Variants in DIAPH3 observed in about 807,000 individuals in gnomAD.
DIAPH3 encodes diaphanous related formin 3.
In DIAPH3, 117 loss-of-function variants were observed where a neutral mutation model predicts 144.3. That is an observed-to-expected ratio of 0.81 (90% CI 0.70 to 0.95). The LOEUF is 0.95. Among genes scored for constraint, DIAPH3 ranks in the 40% least tolerant of loss-of-function variants. The pLI, the probability that DIAPH3 is intolerant of heterozygous loss-of-function variation, is 0.00. For missense variants in DIAPH3, 1,421 were observed against 1,412.7 expected, an observed-to-expected ratio of 1.01 and a Z score of -0.09; for synonymous variants, 519 against 488.9, an observed-to-expected ratio of 1.06 and a Z score of -0.81.
intron 13 of DIAPH3, 49 bp from the exon 14 acceptor site, chr13:59,980,908 A>C: frequency 1.4e-6 from 2 of 1,459,738 alleles, no homozygotes; most frequent in Non-Finnish European, 1.9e-6. Context: ...TCTTAAACTC[A>C]TTATGACTTC....
intron 7 of DIAPH3, among the ~76,000 whole-genome samples, chr13:60,011,715 C>T (rs866166543): frequency 1.3e-5 from 2 of 152,156 alleles, no homozygotes; most frequent in South Asian, 2.1e-4. Flanking sequence ...TAAGCAAAAA[C>T]TGAAGGATGA....
At chr13:59,996,395 T>C (rs1413930814) in intron 9 of DIAPH3, among the ~76,000 whole-genome samples, 1 of 152,096 alleles carries the variant, frequency 6.6e-6, no homozygotes, top group Admixed American at 6.6e-5. Flanking sequence ...GGAAAGCCAA[T>C]ACTGTAAGCT....
chr13:59,749,098 C>T (rs1241024694), intron 27 of DIAPH3, among the ~76,000 whole-genome samples: 1 of 150,104 alleles, frequency 6.7e-6, no homozygotes, highest in Non-Finnish European at 1.5e-5. Flanking sequence ...CCTATAGTCC[C>T]AGCTACTTGG....
chr13:59,757,977 A>C (rs568955186), intron 27 of DIAPH3, among the ~76,000 whole-genome samples: 63 of 152,328 alleles, frequency 4.1e-4, no homozygotes, highest in African/African-American at 1.5e-3. Flanking sequence ...GACTTGAATA[A>C]GCACTTCACA....
chr13:59,879,234 A>G lies in DIAPH3; in HGVS notation c.2602T>C (p.Cys868Arg), dbSNP rs779927488. Residue 868 changes from cysteine (C) to arginine (R), a missense_variant, in exon 21 of 28, where the codon TGT becomes CGT. By Grantham distance (180) the Cys-to-Arg change is radical (BLOSUM62 -3). Coordinates refer to ENST00000400324, the MANE Select transcript of DIAPH3 (RefSeq NM_001042517.2). Reference protein sequence around the residue: ...QTFGFNLSSLCKLKDTKSADQ... With the variant: ...QTFGFNLSSLRKLKDTKSADQ... ...TTTTAAAAAAACAAACTCACTTTAC[A>G]GAGAGAGCTAAGGTTAAATCCGAAG... The G allele has an allele frequency of 1.9e-6, 3 of 1,613,642 alleles. No homozygotes were observed.
intron 27 of DIAPH3, among the ~76,000 whole-genome samples, chr13:59,737,756 C>A (rs931311631): frequency 1.3e-5 from 2 of 152,188 alleles, no homozygotes; most frequent in Non-Finnish European, 2.9e-5. Context: ...TTAACCTATA[C>A]AACAAAACAC....
chr13:60,046,571 T>C (rs188879444), intron 4 of DIAPH3, among the ~76,000 whole-genome samples: 1 of 152,312 alleles, frequency 6.6e-6, no homozygotes, highest in East Asian at 1.9e-4. Flanking sequence ...TGGTGATTCC[T>C]CAGGGATCTA....
chr13:59,783,745 G>C (rs1197281123), intron 25 of DIAPH3, among the ~76,000 whole-genome samples: 1 of 152,172 alleles, frequency 6.6e-6, no homozygotes, highest in Non-Finnish European at 1.5e-5. Context: ...ACAAAATATT[G>C]AGAGGATTAA....
At chr13:59,922,023 T>C (rs1410949158) in intron 18 of DIAPH3, among the ~76,000 whole-genome samples, 1 of 152,080 alleles carries the variant, frequency 6.6e-6, no homozygotes, top group African/African-American at 2.4e-5. Context: ...TAAAGAATTT[T>C]AACAAATTAG....
chr13:59,915,807 T>C (rs2140257771), intron 19 of DIAPH3, among the ~76,000 whole-genome samples: 1 of 152,150 alleles, frequency 6.6e-6, no homozygotes, highest in Non-Finnish European at 1.5e-5. Context: ...AATATCTTCA[T>C]AAGCCAAAGA....
rs117928356 is a variant in DIAPH3 at position 59,766,902 on chromosome 13, G to A, written c.3319+7287C>T. Among the ~76,000 whole-genome samples the A allele has an allele frequency of 7.0e-3, 1,063 of 152,150 alleles. 30 individuals carry two copies. The East Asian group carries it at 0.075, about 11-fold the overall frequency. The stretch of plus-strand genomic sequence containing the variant: ...TTTCTCAAGGTAAGCAGTGATACCC[G>A]AGTCCTTCAGTCCAATCTGTGCTCG... On this transcript the variant is annotated intron_variant, in intron 27 of 27. Coordinates refer to ENST00000400324, the MANE Select transcript of DIAPH3 (RefSeq NM_001042517.2).
chr13:60,154,108 T>C (rs1423239601), intron 1 of DIAPH3, among the ~76,000 whole-genome samples: 1 of 152,018 alleles, frequency 6.6e-6, no homozygotes, highest in African/African-American at 2.4e-5. Flanking sequence ...AATAGCCTGG[T>C]TCAATTAAGT....
chr13:59,698,935 A>G (rs2033956629), intron 27 of DIAPH3, among the ~76,000 whole-genome samples: 1 of 152,214 alleles, frequency 6.6e-6, no homozygotes, highest in Non-Finnish European at 1.5e-5. Context: ...TTGGTATTAA[A>G]ACATGCTAAG....
chr13:59,765,179 TACTTC>T (rs2037807173), intron 27 of DIAPH3, among the ~76,000 whole-genome samples: 1 of 152,204 alleles, frequency 6.6e-6, no homozygotes, highest in South Asian at 2.1e-4. Context: ...TAGTTTATAT[TACTTC>T]CGGTATTTTA....
At chr13:59,809,816 C>G (rs2040381318) in intron 25 of DIAPH3, among the ~76,000 whole-genome samples, 1 of 152,160 alleles carries the variant, frequency 6.6e-6, no homozygotes, top group Admixed American at 6.5e-5. Context: ...GTAGGCATCT[C>G]TGTCTATTCC....
chr13:60,065,187 A>C (rs1317941475), intron 4 of DIAPH3, among the ~76,000 whole-genome samples: 1 of 151,148 alleles, frequency 6.6e-6, no homozygotes, highest in Non-Finnish European at 1.5e-5. Context: ...AAGTAAACAC[A>C]TGCTGTTGGA....
At chr13:60,076,235 T>C (rs1465945606) in intron 4 of DIAPH3, among the ~76,000 whole-genome samples, 4 of 152,228 alleles carry the variant, frequency 2.6e-5, no homozygotes, top group Non-Finnish European at 5.9e-5. Context: ...CATCAACCTC[T>C]GAGTGCTTCT....
chr13:59,884,859 T>C (rs555748728), intron 20 of DIAPH3, among the ~76,000 whole-genome samples: 29 of 150,538 alleles, frequency 1.9e-4, no homozygotes, highest in African/African-American at 6.8e-4. Context: ...TTAAAATAAA[T>C]GTACTCTTAC....
intron 27 of DIAPH3, among the ~76,000 whole-genome samples, chr13:59,669,989 C>A (rs933456318): frequency 1.3e-5 from 2 of 152,190 alleles, no homozygotes; most frequent in African/African-American, 2.4e-5. Flanking sequence ...TTGATCTATA[C>A]CAGATCCAAG....
Sources: allele counts gnomAD v4.1 joint callset (sites outside exome capture counted in the v4.1 genomes callset), GRCh38; gene constraint gnomAD v4.1.1; transcripts MANE v1.5; gene names NCBI Gene and HGNC (gene_info 2026-07-23, HGNC 2026-07-21).